The following RANBP2 variants were observed in gnomAD, a reference collection of about 807,000 sequenced individuals.
The protein encoded by RANBP2 is RAN binding protein 2.
Under a neutral mutation model 303.6 loss-of-function variants are expected in RANBP2, and 57 were observed. The ratio of observed to expected loss-of-function variants is 0.19; its 90% confidence interval spans 0.15 to 0.23. The LOEUF (loss-of-function observed/expected upper bound fraction) is 0.23, where lower values mean the gene tolerates loss of function less well. RANBP2 is among the 10% of genes least tolerant of loss of function. The pLI is 1.00. For synonymous variants in RANBP2, 1,167 were observed against 1,301.5 expected (o/e 0.90, Z 2.23); for missense variants, 3,138 against 3,780.8 (o/e 0.83, Z 4.46).
At chr2:109,676,155 T>C in the RANBP2 span, among the ~76,000 whole-genome samples, 1 of 152,206 alleles carries the variant, frequency 6.6e-6, no homozygotes, top group Non-Finnish European at 1.5e-5. Context: ...AGGGCCCCTG[T>C]GCCCTTCCCT....
chr2:109,129,656 C>T, the RANBP2 span: 2 of 1,505,968 alleles, frequency 1.3e-6, no homozygotes, highest in Non-Finnish European at 1.8e-6. Context: ...GCGGCCACCG[C>T]CGCGGGGGCG....
chr2:109,094,425 C>T, the RANBP2 span, among the ~76,000 whole-genome samples: 1 of 152,172 alleles, frequency 6.6e-6, no homozygotes. Context: ...CCTGTTCCTC[C>T]AAGGGCTCCA....
At chr2:108,890,107 G>C in the RANBP2 span, among the ~76,000 whole-genome samples, 1 of 145,956 alleles carries the variant, frequency 6.9e-6, no homozygotes, top group African/African-American at 2.5e-5. Context: ...TAATTTTGCT[G>C]GATATAGTAT....
the RANBP2 span, among the ~76,000 whole-genome samples, chr2:109,205,351 G>A: frequency 3.3e-5 from 5 of 150,870 alleles, no homozygotes; most frequent in African/African-American, 4.9e-5. Context: ...TTCTCCTGCC[G>A]CAGCCTTCTG....
the RANBP2 span, among the ~76,000 whole-genome samples, chr2:109,319,953 G>A: frequency 6.6e-6 from 1 of 152,248 alleles, no homozygotes; most frequent in African/African-American, 2.4e-5. Flanking sequence ...GAGCTGCTGT[G>A]AGAAGTAAGA....
chr2:109,638,169 C>T, the RANBP2 span, among the ~76,000 whole-genome samples: 1 of 152,168 alleles, frequency 6.6e-6, no homozygotes, highest in Non-Finnish European at 1.5e-5. Context: ...AAAAGGTTAA[C>T]AGTTGGAAGC....
the RANBP2 span, chr2:109,574,602 G>A: frequency 1.9e-6 from 3 of 1,577,854 alleles, no homozygotes; most frequent in South Asian, 2.4e-5. Flanking sequence ...GGTTCTTCAT[G>A]GTTAAGAGAT....
At chr2:109,740,122 G>A in the RANBP2 span, among the ~76,000 whole-genome samples, 7 of 148,844 alleles carry the variant, frequency 4.7e-5, no homozygotes, top group South Asian at 1.1e-3. Context: ...AAGTAGCTCC[G>A]GGACTACAGG....
At chr2:109,355,287 C>T in the RANBP2 span, among the ~76,000 whole-genome samples, 1 of 152,186 alleles carries the variant, frequency 6.6e-6, no homozygotes, top group Non-Finnish European at 1.5e-5. Flanking sequence ...TTCTTGAATG[C>T]TGGCATATTG....
At chr2:109,131,877 T>C in the RANBP2 span, among the ~76,000 whole-genome samples, 2 of 152,336 alleles carry the variant, frequency 1.3e-5, no homozygotes, top group East Asian at 1.9e-4. Flanking sequence ...AGCACTTATT[T>C]AACTAATAAG....
At chr2:109,319,397 G>A in the RANBP2 span, among the ~76,000 whole-genome samples, 3 of 152,200 alleles carry the variant, frequency 2.0e-5, no homozygotes, top group African/African-American at 7.2e-5. Flanking sequence ...GTGGGGTCCC[G>A]GGGATCACCC....
At chr2:109,305,794 G>A in the RANBP2 span, among the ~76,000 whole-genome samples, 4 of 152,228 alleles carry the variant, frequency 2.6e-5, no homozygotes. Flanking sequence ...CTTGCTGGAG[G>A]TGGTCTCAGA....
chr2:109,211,632 C>G, the RANBP2 span, among the ~76,000 whole-genome samples: 1 of 150,230 alleles, frequency 6.7e-6, no homozygotes, highest in Admixed American at 6.7e-5. Context: ...CCCTTCGGCC[C>G]TTCCTGCATT....
chr2:109,659,184 A>C, the RANBP2 span, among the ~76,000 whole-genome samples: 1 of 151,980 alleles, frequency 6.6e-6, no homozygotes, highest in Non-Finnish European at 1.5e-5. Flanking sequence ...TGAGACCAGC[A>C]TGGCCAACAC....
the RANBP2 span, among the ~76,000 whole-genome samples, chr2:109,011,563 G>T: frequency 1.3e-5 from 2 of 152,174 alleles, no homozygotes; most frequent in African/African-American, 4.8e-5. Context: ...TGGGCGCTCA[G>T]TGGGCCCAAA....
the RANBP2 span, chr2:108,876,232 G>A: frequency 8.1e-6 from 13 of 1,610,774 alleles, 1 homozygote; most frequent in Admixed American, 2.2e-4. Context: ...GTAACTCCCT[G>A]GTCTCCAGTG....
chr2:108,818,069 G>T, the RANBP2 span, among the ~76,000 whole-genome samples: 1 of 152,164 alleles, frequency 6.6e-6, no homozygotes, highest in East Asian at 1.9e-4. Context: ...ACTTCGGGAG[G>T]TTGAAGTGGG....
the RANBP2 span, among the ~76,000 whole-genome samples, chr2:109,007,065 G>A: frequency 6.6e-6 from 1 of 152,178 alleles, no homozygotes; most frequent in Non-Finnish European, 1.5e-5. Context: ...TTGCTTCAAG[G>A]TGTCTTAAAA....
At chr2:109,659,249 T>C in the RANBP2 span, among the ~76,000 whole-genome samples, 3 of 151,530 alleles carry the variant, frequency 2.0e-5, no homozygotes, top group South Asian at 6.2e-4. Context: ...TGGTGGTGTG[T>C]GCCTGTAGTC....
Sources: allele counts gnomAD v4.1 joint callset (sites outside exome capture counted in the v4.1 genomes callset), GRCh38; gene constraint gnomAD v4.1.1; transcripts MANE v1.5; gene names NCBI Gene and HGNC (gene_info 2026-07-23, HGNC 2026-07-21).